SLC1A7: variants seen among roughly 807,000 people sequenced by gnomAD.
The protein encoded by SLC1A7 is solute carrier family 1 member 7, also known as excitatory amino acid transporter 5.
In SLC1A7, 40 loss-of-function variants were observed where a neutral mutation model predicts 47.7. The observed-to-expected ratio is 0.84, with a 90% CI of 0.65 to 1.09. SLC1A7 has a LOEUF of 1.09. Ranked by LOEUF, SLC1A7 falls within the 50% of genes least tolerant of loss-of-function variation. SLC1A7 has a pLI of 0.00. For synonymous variants in SLC1A7, 323 were observed against 325.6 expected, an observed-to-expected ratio of 0.99 and a Z score of 0.09; for missense variants, 746 against 769.5, an observed-to-expected ratio of 0.97 and a Z score of 0.36.
intron 3 of SLC1A7, among the ~76,000 whole-genome samples, chr1:53,107,014 A>G (rs1273290582): frequency 6.6e-6 from 1 of 151,396 alleles, no homozygotes; most frequent in Non-Finnish European, 1.5e-5. Context: ...AAATTAGCTG[A>G]GTGTGGTGGT....
chr1:53,134,486 CCGTT>C (rs1644971750), intron 1 of SLC1A7, 57 bp from the exon 2 acceptor site: 14 of 1,137,510 alleles, frequency 1.2e-5, no homozygotes, highest in Non-Finnish European at 1.8e-5. Flanking sequence ...CACAGTGGTT[CCGTT>C]CTTCACAGTC....
chr1:53,091,853 T>G (rs1644425715), intron 7 of SLC1A7, among the ~76,000 whole-genome samples: 1 of 152,098 alleles, frequency 6.6e-6, no homozygotes. Flanking sequence ...CACTAGATGC[T>G]CCATAAGGGA....
chr1:53,140,380 A>AT (rs1645045248), intron 1 of SLC1A7, among the ~76,000 whole-genome samples: 1 of 152,122 alleles, frequency 6.6e-6, no homozygotes, highest in African/African-American at 2.4e-5. Flanking sequence ...CAGATTGCAG[A>AT]TTTTTTTGTT....
At position 53,129,794 on chromosome 1, in the gene SLC1A7, C is replaced by T. The variant is rs553611889; in HGVS notation, c.215+4556G>A. 1.1e-4 allele frequency among the ~76,000 whole-genome samples: 16 copies of T among 141,020 alleles called. 3 individuals carry two copies. Among genetic ancestry groups the T allele is most frequent in the Non-Finnish European group, 2.5e-4 (16 of 64,122 alleles). 92.5% of individuals were successfully genotyped at this position (141,020 alleles called of 152,430 possible). A position where few individuals can be genotyped will look rare whatever the true frequency, so the allele number is the denominator to read the frequency against. ...ACCTCCCTTTGCTTGTTGTTTAGAT[C>T]TCCAACTTCTGAACGAATCTGTCAC... is the stretch of plus-strand genomic sequence containing the variant. On this transcript the variant is annotated intron_variant, in intron 2 of 10. Coordinates refer to ENST00000371494, the MANE Select transcript of SLC1A7 (RefSeq NM_006671.6).
chr1:53,127,038 G>GTTT (rs61456544), intron 2 of SLC1A7, among the ~76,000 whole-genome samples: 17,775 of 97,326 alleles, frequency 0.18, 2,454 homozygotes, highest in Admixed American at 0.31. Flanking sequence ...AATTTTAAAA[G>GTTT]TTTTTTTTTT....
At chr1:53,098,072 T>A (rs35024283) in intron 5 of SLC1A7, among the ~76,000 whole-genome samples, 1 of 149,016 alleles carries the variant, frequency 6.7e-6, no homozygotes, top group African/African-American at 2.5e-5. Flanking sequence ...TTTGCCTTGG[T>A]ACACTCACAC....
chr1:53,115,684 G>C (rs1304342227), intron 2 of SLC1A7: 1 of 152,390 alleles, frequency 6.6e-6, no homozygotes, highest in Non-Finnish European at 1.5e-5. Flanking sequence ...CCCATCTTTG[G>C]GCCTCAGGAT....
At position 53,137,299 on chromosome 1, in the gene SLC1A7, A is replaced by AAAAAAAAG. The variant is rs71044460; in HGVS notation, c.136-2871_136-2870insCTTTTTTT. Among the ~76,000 whole-genome samples the AAAAAAAAG allele has an allele frequency of 4.3e-5, 6 of 139,694 alleles. 1 individual carries two copies. Among genetic ancestry groups the AAAAAAAAG allele is most frequent in the Admixed American group, 1.5e-4 (2 of 13,246 alleles). The allele number at this position is 139,694 out of a possible 152,430, so 91.6% of individuals were successfully genotyped here. ...GAGACGCTATCTCCAAAAAAAAAAA[A>AAAAAAAAG]GTGCTCTACTGATAAAAAGGCAGCT... On this transcript the variant is annotated intron_variant, in intron 1 of 10. Transcript: ENST00000371494.
chr1:53,100,656 C>T (rs186297220), intron 5 of SLC1A7, among the ~76,000 whole-genome samples: 17 of 142,360 alleles, frequency 1.2e-4, no homozygotes, highest in Non-Finnish European at 2.5e-4. Context: ...CACCTTTCCT[C>T]GGTACACTCA....
chr1:53,108,324 A>C (rs1296917775), intron 3 of SLC1A7: 1 of 475,436 alleles, frequency 2.1e-6, no homozygotes, highest in Admixed American at 3.9e-5. Flanking sequence ...GTAAGAAGCC[A>C]AATGGAACTT....
rs150295283 is a variant in SLC1A7 at position 53,092,641 on chromosome 1, A to G, written c.944T>C (p.Leu315Pro). The change falls in exon 7 of 11, where the codon CTC (leucine) becomes CCC (proline). Residue 315 changes from leucine to proline, a missense_variant. Physicochemically the swap from Leu to Pro is moderately conservative, Grantham distance 98 (BLOSUM62 -3). Coordinates refer to ENST00000371494, the MANE Select transcript of SLC1A7 (RefSeq NM_006671.6). ...ATTCTTCTTGGTGATGAAGAAGTAG[A>G]GCAGGGGCAGGATAAAGAGCCCGTG... ...VLHGLFILPL[L>P]YFFITKKNPI... 2.2e-5 allele frequency: 35 copies of G among 1,614,066 alleles called. No homozygotes were observed. The Middle Eastern group carries it at 8.2e-4, about 38-fold the overall frequency.
At position 53,090,631 on chromosome 1, in the gene SLC1A7, C is replaced by T. The variant is rs1644409826; in HGVS notation, c.1207G>A (p.Gly403Ser). The T allele has an allele frequency of 6.3e-7, 1 of 1,598,122 alleles. No homozygotes were observed. The highest frequency in any genetic ancestry group is 1.7e-5 in the Admixed American group (1 of 59,526). The change falls in exon 8 of 11, where the codon GGC becomes AGC. Residue 403 changes from glycine (G) to serine (S), a missense_variant. By Grantham distance (56) the Gly-to-Ser change is moderately conservative (BLOSUM62 0). Coordinates refer to ENST00000371494, the MANE Select transcript of SLC1A7 (RefSeq NM_006671.6). ...GTGCACCTGATGGTGATGATCTGGC[C>T]AAAGTCCAGCTCGTAGTTGTTGACC... ...AQVNNYELDF[G>S]QIITISITAT...
chr1:53,138,445 T>G (rs1645022033), intron 1 of SLC1A7, among the ~76,000 whole-genome samples: 1 of 152,116 alleles, frequency 6.6e-6, no homozygotes, highest in Non-Finnish European at 1.5e-5. Context: ...ACATTCTAAT[T>G]TTCTTATATT....
chr1:53,142,396 T>A lies in SLC1A7; in HGVS notation c.54A>T (p.Gly18=). ...ARGRDVCRRN[G]LLILSVLSVI... ...CAGACAGCACAGACAGGATGAGGAG[T>A]CCATTCCGCCTGCACACGTCCCTCC... The change falls in exon 1 of 11, where the codon GGA becomes GGT. Residue 18 remains glycine, a synonymous_variant. Transcript: ENST00000371494. 6.2e-7 allele frequency: 1 copy of A among 1,608,004 alleles called. No homozygotes were observed. The highest frequency in any genetic ancestry group is 8.5e-7 in the Non-Finnish European group (1 of 1,177,654).
chr1:53,088,408 C>G (rs572944115), intron 10 of SLC1A7, among the ~76,000 whole-genome samples, 181 bp from the exon 11 acceptor site: 53 of 152,150 alleles, frequency 3.5e-4, no homozygotes, highest in Non-Finnish European at 7.1e-4. Context: ...TCCCAAGCGT[C>G]CTGCCTCCCA....
intron 3 of SLC1A7, among the ~76,000 whole-genome samples, chr1:53,111,510 G>A (rs964959062): frequency 1.3e-5 from 2 of 152,342 alleles, no homozygotes; most frequent in Admixed American, 1.3e-4. Flanking sequence ...ACACTGGAGT[G>A]GGCGGCAATG....
At chr1:53,100,415 A>AGGT (rs1245473107) in intron 5 of SLC1A7, among the ~76,000 whole-genome samples, 1 of 150,968 alleles carries the variant, frequency 6.6e-6, no homozygotes, top group African/African-American at 2.4e-5. Context: ...GTACACTCAC[A>AGGT]CGTCTTGTTT....
rs371927594 is a variant in SLC1A7 at position 53,104,446 on chromosome 1, T to C, written c.475-878A>G. Among the ~76,000 whole-genome samples the C allele has an allele frequency of 1.0e-3, 158 of 152,304 alleles. 2 individuals are homozygous for C. The South Asian group carries it at 0.032, about 30-fold the overall frequency. On this transcript the variant is annotated intron_variant, in intron 4 of 10. Transcript: ENST00000371494. ...CTTGCGGAGGGAGTGACTAATTGGCTGAAAGAGTTAGCTTCACAAAGAAGG... is the reference window on the plus strand; with the variant it reads ...CTTGCGGAGGGAGTGACTAATTGGCCGAAAGAGTTAGCTTCACAAAGAAGG...
At chr1:53,100,203 C>T (rs1484691198) in intron 5 of SLC1A7, among the ~76,000 whole-genome samples, 1 of 95,546 alleles carries the variant, frequency 1.0e-5, no homozygotes, top group Non-Finnish European at 2.4e-5. Context: ...CCTTGGTATA[C>T]TCACACACCC....
Sources: allele counts gnomAD v4.1 joint callset (sites outside exome capture counted in the v4.1 genomes callset), GRCh38; gene constraint gnomAD v4.1.1; transcripts MANE v1.5; gene names NCBI Gene and HGNC (gene_info 2026-07-23, HGNC 2026-07-21).